CASZ1: variants seen among roughly 807,000 people sequenced by gnomAD.
The protein encoded by CASZ1 is zinc finger protein castor homolog 1.
A neutral mutation model predicts 135.2 loss-of-function variants in CASZ1; 28 were observed. The observed-to-expected ratio is 0.21, with a 90% confidence interval of 0.15 to 0.28. CASZ1 has a LOEUF of 0.28. CASZ1 is among the 10% of genes least tolerant of loss of function. CASZ1 has a pLI of 1.00. For missense variants in CASZ1, 2,161 were observed against 2,453.3 expected (o/e 0.88, Z 2.52); for synonymous variants, 1,068 against 1,073.4 (o/e 0.99, Z 0.10).
rs1639235049 is a variant in CASZ1 at position 10,709,206 on chromosome 1, TC to T, written c.-76-3663del. 1.3e-5 allele frequency among the ~76,000 whole-genome samples: 2 copies of T among 152,044 alleles called. No homozygotes were observed. The highest frequency in any genetic ancestry group is 2.9e-5 in the Non-Finnish European group (2 of 67,996). ...CCAGGCCAGGCTCCTCGGCCAGCAC[TC>T]CTACCTGCTCCCCAGGCCTCCCGGG... On this transcript the variant is annotated intron_variant, in intron 2 of 20. Transcript: ENST00000377022. The surrounding 1 kb of genome is among the most constrained non-coding windows in gnomAD (Gnocchi z 5.1).
At position 10,647,406 on chromosome 1, in the gene CASZ1, CAG is replaced by C. The variant is rs1642393869; in HGVS notation, c.3497+393_3497+394del. On this transcript the variant is annotated intron_variant, in intron 16 of 20. Transcript: ENST00000377022. This position sits in a 1 kb window ranked among gnomAD's most constrained non-coding sequence, Gnocchi z 4.9. ...CCTACCCGTGACTTCACGTGCCCTGCAGAGATTCAGCCATGGGTGTGAGCCAC... is the reference window on the plus strand; with the variant it reads ...CCTACCCGTGACTTCACGTGCCCTGCAGATTCAGCCATGGGTGTGAGCCAC... 3.6e-6 allele frequency: 4 copies of C among 1,102,902 alleles called. No homozygotes were observed. The African/African-American group carries it at 5.0e-5, about 14-fold the overall frequency. The allele number at this position is 1,102,902 out of a possible 1,614,324, so 68.3% of individuals were successfully genotyped here.
rs557762050 is a variant in CASZ1, at chr1:10,759,389, G to A, written c.-77+1312C>T. ...TCCAGGTGACAGTCTAAACAGCCCC[G>A]GTGCTATCCAGGGGACAACGGCAGC... On this transcript the variant is annotated intron_variant, in intron 2 of 20. Coordinates refer to ENST00000377022, the MANE Select transcript of CASZ1 (RefSeq NM_001079843.3). The surrounding 1 kb of genome is among the most constrained non-coding windows in gnomAD (Gnocchi z 4.2). 3.9e-5 allele frequency among the ~76,000 whole-genome samples: 6 copies of A among 152,212 alleles called. No homozygotes were observed. The East Asian group carries it at 5.8e-4, about 15-fold the overall frequency.
chr1:10,774,713 G>A lies in CASZ1; in HGVS notation c.-233-13856C>T, dbSNP rs751338347. 1.4e-4 allele frequency among the ~76,000 whole-genome samples: 21 copies of A among 152,100 alleles called. No homozygotes were observed. Reference sequence around the variant, plus strand: ...CAACGCGGACCCCTCTCTTCCCCAAGTGTGACCCTGTAGGCCTAGAGGAAC... The same window carrying A: ...CAACGCGGACCCCTCTCTTCCCCAAATGTGACCCTGTAGGCCTAGAGGAAC... On this transcript the variant is annotated intron_variant, in intron 1 of 20. Transcript: ENST00000377022. This position sits in a 1 kb window ranked among gnomAD's most constrained non-coding sequence, Gnocchi z 4.4.
At chr1:10,738,781 CTCTT>C (rs1639853123) in intron 2 of CASZ1, among the ~76,000 whole-genome samples, 1 of 152,216 alleles carries the variant, frequency 6.6e-6, no homozygotes, top group Non-Finnish European at 1.5e-5. Context: ...AGGCTCTTCT[CTCTT>C]CCACCATTTC....
At position 10,719,239 on chromosome 1, in the gene CASZ1, G is replaced by A. The variant is rs1341776167; in HGVS notation, c.-76-13695C>T. 6.6e-6 allele frequency among the ~76,000 whole-genome samples: 1 copy of A among 152,200 alleles called. No individual in the cohort carries two copies. The highest frequency in any genetic ancestry group is 2.4e-5 in the African/African-American group (1 of 41,442). On this transcript the variant is annotated intron_variant, in intron 2 of 20. Coordinates refer to ENST00000377022, the MANE Select transcript of CASZ1 (RefSeq NM_001079843.3). This position sits in a 1 kb window ranked among gnomAD's most constrained non-coding sequence, Gnocchi z 4.0. ...GGCCCCGTGCCCCTTTCTTGTAAGG[G>A]GAGAGCCTGAGGTTCGGAGAAGGGA...
Position 10,747,862 on chromosome 1 carries a change from G to T in CASZ1, c.-77+12839C>A, listed in dbSNP as rs1640073439. Among the ~76,000 whole-genome samples, 1 of 150,788 alleles carries T rather than the reference G, an allele frequency of 6.6e-6. No homozygotes were observed. ...GATGGAGTCTCGCTCTGCCGCCCAG[G>T]CTGGAGTGCAGTGGTGTGATCTCAG... is the stretch of plus-strand genomic sequence containing the variant. On this transcript the variant is annotated intron_variant, in intron 2 of 20. Coordinates refer to ENST00000377022, the MANE Select transcript of CASZ1 (RefSeq NM_001079843.3). This position sits in a 1 kb window ranked among gnomAD's most constrained non-coding sequence, Gnocchi z 4.3.
intron 1 of CASZ1, among the ~76,000 whole-genome samples, chr1:10,763,699 C>G (rs746740724): frequency 6.6e-6 from 1 of 152,170 alleles, no homozygotes; most frequent in Non-Finnish European, 1.5e-5. Context: ...GGGCAGAGAG[C>G]GGGTCCTAAT....
At chr1:10,765,003 C>T (rs1018672471) in intron 1 of CASZ1, among the ~76,000 whole-genome samples, 4 of 152,180 alleles carry the variant, frequency 2.6e-5, no homozygotes, top group Non-Finnish European at 5.9e-5. Context: ...AGGACAACTT[C>T]CATTTCTTCT....
intron 18 of CASZ1, among the ~76,000 whole-genome samples, chr1:10,644,124 C>A (rs912795056): frequency 6.6e-6 from 1 of 152,220 alleles, no homozygotes; most frequent in African/African-American, 2.4e-5. Context: ...ACCCCTGCTG[C>A]CCTGACCACC....
intron 15 of CASZ1, 62 bp from the exon 16 acceptor site, chr1:10,648,201 C>G: frequency 8.4e-7 from 1 of 1,191,370 alleles, no homozygotes; most frequent in Non-Finnish European, 1.2e-6. Context: ...GAGGGGCATG[C>G]ATGTGACCCC....
intron 1 of CASZ1, among the ~76,000 whole-genome samples, chr1:10,778,350 C>A (rs1640698174): frequency 6.6e-6 from 1 of 151,466 alleles, no homozygotes; most frequent in African/African-American, 2.4e-5. Context: ...TCACACTTCA[C>A]CTCACACAAT....
In CASZ1 at chr1:10,660,319, C is replaced by G. The variant is rs1208393758; in HGVS notation, c.723G>C (p.Glu241Asp). The stretch of plus-strand genomic sequence containing the variant: ...CGCCAGCCTTGAGCTTGCGGATGTA[C>G]TCCTCATACTTAGAGAACCGCGCCC... ...SKRARFSKYE[E>D]YIRKLKAGEQ... Residue 241 changes from glutamate (E) to aspartate (D), a missense_variant, in exon 6 of 21, where the codon GAG becomes GAC. Glu to Asp is a conservative substitution (Grantham distance 45). Coordinates refer to ENST00000377022, the MANE Select transcript of CASZ1 (RefSeq NM_001079843.3). The G allele has an allele frequency of 1.2e-6, 2 of 1,614,026 alleles. No homozygotes were observed. Among genetic ancestry groups the G allele is most frequent in the Non-Finnish European group, 1.7e-6 (2 of 1,180,034 alleles).
chr1:10,656,556 C>A, intron 8 of CASZ1, 90 bp downstream of exon 8: 2 of 973,824 alleles, frequency 2.1e-6, no homozygotes, highest in South Asian at 1.4e-5. Flanking sequence ...GAACTAACCC[C>A]CCCCACTGCC....
At chr1:10,771,736 C>T (rs936615670) in intron 1 of CASZ1, among the ~76,000 whole-genome samples, 6 of 152,058 alleles carry the variant, frequency 3.9e-5, no homozygotes, top group African/African-American at 1.5e-4. Context: ...TTCTCTGTCC[C>T]CTTATTTTCT....
In CASZ1 at chr1:10,659,910, C is replaced by T. The variant is rs137936205; in HGVS notation, c.1132G>A (p.Val378Ile). Residue 378 changes from valine (V) to isoleucine (I), a missense_variant, in exon 6 of 21, where the codon GTC becomes ATC. By Grantham distance (29) the Val-to-Ile change is conservative. Around this residue, in one of 7 missense-constraint regions of CASZ1, gnomAD observed 590 missense variants for 609.8 expected, o/e 0.97. Coordinates refer to ENST00000377022, the MANE Select transcript of CASZ1 (RefSeq NM_001079843.3). ...GKVGRPSKYD[V>I]RGIQKPGPAK... Reference sequence around the variant, plus strand: ...GGGCCTGGCTTCTGGATGCCCCGGACGTCGTACTTGGAAGGGCGCCCCACC... The same window carrying T: ...GGGCCTGGCTTCTGGATGCCCCGGATGTCGTACTTGGAAGGGCGCCCCACC... 180 of 1,611,818 alleles carry T rather than the reference C, an allele frequency of 1.1e-4. No individual in the cohort carries two copies. The East Asian group carries it at 2.6e-3, about 24-fold the overall frequency.
At chr1:10,684,627 A>G (rs781172244) in intron 4 of CASZ1, among the ~76,000 whole-genome samples, 5 of 152,086 alleles carry the variant, frequency 3.3e-5, no homozygotes, top group Non-Finnish European at 5.9e-5. Flanking sequence ...GTTCACACAC[A>G]TGGGTCTTTG....
chr1:10,749,419 T>C (rs1218015523), intron 2 of CASZ1, among the ~76,000 whole-genome samples: 1 of 152,126 alleles, frequency 6.6e-6, no homozygotes, highest in African/African-American at 2.4e-5. Flanking sequence ...AGCTAATTTT[T>C]TGTGTTTTTA....
Position 10,755,451 on chromosome 1 carries a change from C to T in CASZ1, c.-77+5250G>A, listed in dbSNP as rs1316888620. Among the ~76,000 whole-genome samples the T allele has an allele frequency of 2.0e-5, 3 of 152,156 alleles. No homozygotes were observed. The highest frequency in any genetic ancestry group is 4.8e-5 in the African/African-American group (2 of 41,434). ...GGCAGGGCAGAGGCGCTTCTCTCTT[C>T]GTCCACCACACCGCGTCAACCCTCC... On this transcript the variant is annotated intron_variant, in intron 2 of 20. Transcript: ENST00000377022. This position sits in a 1 kb window ranked among gnomAD's most constrained non-coding sequence, Gnocchi z 4.3.
rs535786247 is a variant in CASZ1 at position 10,758,592 on chromosome 1, A to G, written c.-77+2109T>C. Reference sequence around the variant, plus strand: ...AGTGATCTGTCTGCCTCAGCCTCCCAAAGTGCTGGGATTACAGGCTTGAGC... The same window carrying G: ...AGTGATCTGTCTGCCTCAGCCTCCCGAAGTGCTGGGATTACAGGCTTGAGC... On this transcript the variant is annotated intron_variant, in intron 2 of 20. Transcript: ENST00000377022. 3.3e-5 allele frequency among the ~76,000 whole-genome samples: 5 copies of G among 152,228 alleles called. No individual in the cohort carries two copies. The South Asian group carries it at 1.0e-3, about 32-fold the overall frequency.
Sources: allele counts gnomAD v4.1 joint callset (sites outside exome capture counted in the v4.1 genomes callset), GRCh38; gene constraint gnomAD v4.1.1; regional missense constraint gnomAD v4.1.1; non-coding constraint Gnocchi (gnomAD v3.1); transcripts MANE v1.5; gene names NCBI Gene and HGNC (gene_info 2026-07-23, HGNC 2026-07-21).